Variants in FAR2 observed in about 807,000 individuals in gnomAD.
FAR2 encodes the protein fatty acyl-CoA reductase 2, also known as epididymis secretory protein Li 81.
Under a neutral mutation model 56.0 loss-of-function variants are expected in FAR2, and 19 were observed. That is an observed-to-expected ratio of 0.34 (90% CI 0.24 to 0.50). The LOEUF is 0.50. FAR2 is among the 20% of genes least tolerant of loss of function. The pLI is 0.98. For missense variants in FAR2, 508 were observed against 642.2 expected (o/e 0.79, Z 2.26); for synonymous variants, 219 against 218.8 (o/e 1.00, Z -0.01).
chr12:29,252,317 A>G (rs1226318213), intron 1 of FAR2, among the ~76,000 whole-genome samples: 1 of 152,176 alleles, frequency 6.6e-6, no homozygotes, highest in Non-Finnish European at 1.5e-5. Flanking sequence ...CCTTTCAGGA[A>G]TGAAGGTTTG....
At chr12:29,196,068 C>T (rs1246822703) in intron 1 of FAR2, among the ~76,000 whole-genome samples, 2 of 152,094 alleles carry the variant, frequency 1.3e-5, no homozygotes, top group African/African-American at 4.8e-5. Context: ...CCATTGTGTA[C>T]ATGACATATT....
In FAR2 at chr12:29,334,004, G is replaced by GA. The variant is rs111442698; in HGVS notation, c.*217dup. On this transcript the variant is annotated 3_prime_UTR_variant, in exon 12 of 12. Coordinates refer to ENST00000536681, the MANE Select transcript of FAR2 (RefSeq NM_001271783.2). ...AGCCCATAGTCACCTATATTTTAGG[G>GA]AAAAAAATCCAAATTGTTTCCTAAC... 68 of 414,986 alleles carry GA rather than the reference G, an allele frequency of 1.6e-4. 1 individual carries two copies. Among genetic ancestry groups the GA allele is most frequent in the African/African-American group, 3.1e-4 (15 of 48,952 alleles). The allele number at this position is 414,986 out of a possible 1,614,324, so 25.7% of individuals were successfully genotyped here.
chr12:29,164,750 C>T lies in FAR2; in HGVS notation c.-39+15343C>T, dbSNP rs890143365. Reference sequence around the variant, plus strand: ...TTGCATGACTTTGACGAGTCTTAGACTGTTCGTGTGATGAGTCTCCAATTG... The same window carrying T: ...TTGCATGACTTTGACGAGTCTTAGATTGTTCGTGTGATGAGTCTCCAATTG... On this transcript the variant is annotated intron_variant, in intron 1 of 11. Transcript: ENST00000536681. 4.6e-5 allele frequency among the ~76,000 whole-genome samples: 7 copies of T among 152,284 alleles called. No individual in the cohort carries two copies. In the East Asian group the frequency reaches 1.2e-3, roughly 25 times the overall value.
At chr12:29,226,299 G>C (rs1163110294) in intron 1 of FAR2, among the ~76,000 whole-genome samples, 2 of 152,134 alleles carry the variant, frequency 1.3e-5, no homozygotes, top group Admixed American at 1.3e-4. Context: ...GAATTAGAAG[G>C]CTTTCTTCTT....
chr12:29,241,459 T>C (rs1316805274), intron 1 of FAR2, among the ~76,000 whole-genome samples: 1 of 152,194 alleles, frequency 6.6e-6, no homozygotes, highest in Non-Finnish European at 1.5e-5. Flanking sequence ...TTAGTGTGTA[T>C]ATACTACTCA....
chr12:29,173,871 G>A (rs527436171), intron 1 of FAR2, among the ~76,000 whole-genome samples: 15 of 152,142 alleles, frequency 9.9e-5, no homozygotes, highest in African/African-American at 1.4e-4. Flanking sequence ...AAGGAGGACT[G>A]AGGAAGGTTG....
At chr12:29,240,376 C>A (rs115426665) in intron 1 of FAR2, among the ~76,000 whole-genome samples, 105 of 152,270 alleles carry the variant, frequency 6.9e-4, no homozygotes, top group African/African-American at 2.5e-3. Flanking sequence ...CTAATTGGCT[C>A]ACTACCTGTC....
At chr12:29,275,252 G>A (rs972611344) in intron 2 of FAR2, among the ~76,000 whole-genome samples, 1 of 151,864 alleles carries the variant, frequency 6.6e-6, no homozygotes, top group African/African-American at 2.4e-5. Flanking sequence ...AGGCAGGAGT[G>A]GGGGTCACAA....
chr12:29,310,964 A>C, intron 6 of FAR2, 64 bp from the exon 7 acceptor site: 2 of 1,218,972 alleles, frequency 1.6e-6, no homozygotes, highest in South Asian at 1.2e-5. Flanking sequence ...TTGATGATAC[A>C]TACTTTAGCC....
intron 1 of FAR2, among the ~76,000 whole-genome samples, chr12:29,199,456 C>T (rs1013646316): frequency 2.0e-5 from 3 of 151,696 alleles, no homozygotes; most frequent in Non-Finnish European, 4.4e-5. Flanking sequence ...AAAAATTAGC[C>T]GGGCGTGGTG....
chr12:29,198,612 G>A (rs560790231), intron 1 of FAR2, among the ~76,000 whole-genome samples: 1 of 148,262 alleles, frequency 6.7e-6, no homozygotes, highest in South Asian at 2.2e-4. Context: ...GAAGACAAAG[G>A]CTTTAGAGCA....
At chr12:29,259,421 T>C (rs1363360870) in intron 1 of FAR2, among the ~76,000 whole-genome samples, 1 of 152,202 alleles carries the variant, frequency 6.6e-6, no homozygotes, top group Non-Finnish European at 1.5e-5. Context: ...TTTTCAAAAA[T>C]GTTTCTCTCC....
chr12:29,202,029 T>C, intron 1 of FAR2, among the ~76,000 whole-genome samples: 1 of 152,160 alleles, frequency 6.6e-6, no homozygotes, highest in Non-Finnish European at 1.5e-5. Flanking sequence ...ACATAGAGGA[T>C]TTTTTTGTGT....
At chr12:29,245,701 A>T (rs1273648723) in intron 1 of FAR2, among the ~76,000 whole-genome samples, 2 of 152,062 alleles carry the variant, frequency 1.3e-5, no homozygotes, top group Admixed American at 6.6e-5. Flanking sequence ...TCCCTATAAA[A>T]ATCTACCTCT....
intron 1 of FAR2, among the ~76,000 whole-genome samples, chr12:29,191,373 A>G (rs1950101747): frequency 6.6e-6 from 1 of 152,258 alleles, no homozygotes. Context: ...GTGATTCTCC[A>G]TAAAAGTGTA....
intron 1 of FAR2, among the ~76,000 whole-genome samples, chr12:29,254,289 A>G (rs1421912784): frequency 6.6e-6 from 1 of 152,172 alleles, no homozygotes. Context: ...TCAGGAAATT[A>G]AAGCAAAAAA....
intron 1 of FAR2, among the ~76,000 whole-genome samples, chr12:29,174,463 G>A (rs1949917763): frequency 9.5e-6 from 1 of 104,968 alleles, no homozygotes. Context: ...GTGAGATGGA[G>A]TCTTGCTGTG....
intron 1 of FAR2, among the ~76,000 whole-genome samples, chr12:29,240,683 C>T (rs1948014883): frequency 6.6e-6 from 1 of 152,058 alleles, no homozygotes; most frequent in Non-Finnish European, 1.5e-5. Context: ...GAGATGAAGT[C>T]ATTGAAAAAG....
chr12:29,264,900 G>T (rs1166236289), intron 1 of FAR2, among the ~76,000 whole-genome samples: 1 of 151,678 alleles, frequency 6.6e-6, no homozygotes, highest in Non-Finnish European at 1.5e-5. Context: ...CTCTGAAAAA[G>T]AAGTCCAGAA....
Sources: gnomAD v4.1 joint callset for allele counts (sites outside exome capture counted in the v4.1 genomes callset) on GRCh38, gnomAD v4.1.1 for gene constraint, MANE v1.5 for transcripts, NCBI Gene and HGNC (gene_info 2026-07-23, HGNC 2026-07-21) for gene names.